EIF4G3: variants seen among roughly 807,000 people sequenced by gnomAD.
The protein encoded by EIF4G3 is eIF-4-gamma 3.
EIF4G3 carries 34 observed loss-of-function variants against 186.4 expected under a neutral mutation model. The observed-to-expected ratio is 0.18, with a 90% CI of 0.14 to 0.24. EIF4G3 has a LOEUF of 0.24. EIF4G3 is among the 10% of genes least tolerant of loss of function. The probability of loss-of-function intolerance (pLI) is 1.00; values close to 1 mark genes in which losing one functional copy is unlikely to be tolerated. For synonymous variants in EIF4G3, 673 were observed against 679.5 expected, an observed-to-expected ratio of 0.99 and a Z score of 0.15; for missense variants, 1,536 against 1,948.5, an observed-to-expected ratio of 0.79 and a Z score of 3.99.
chr1:21,097,031 A>C (rs983450676), intron 2 of EIF4G3, among the ~76,000 whole-genome samples: 1 of 152,238 alleles, frequency 6.6e-6, no homozygotes, highest in Non-Finnish European at 1.5e-5. Context: ...AAAAATGATT[A>C]AAATGGTAAA....
chr1:21,121,670 G>C (rs891938279), intron 2 of EIF4G3, among the ~76,000 whole-genome samples: 3 of 151,848 alleles, frequency 2.0e-5, no homozygotes, highest in Admixed American at 6.6e-5. Flanking sequence ...AGCTACTCGG[G>C]AGGCTAAGGC....
chr1:21,080,629 C>A (rs954218560), intron 3 of EIF4G3, among the ~76,000 whole-genome samples: 1 of 152,086 alleles, frequency 6.6e-6, no homozygotes, highest in Non-Finnish European at 1.5e-5. Flanking sequence ...CCTGCCTCAG[C>A]CTCCTGAGTA....
chr1:20,899,651 C>T (rs1450186192), intron 16 of EIF4G3, 46 bp downstream of exon 16: 1 of 1,601,146 alleles, frequency 6.2e-7, no homozygotes, highest in South Asian at 1.1e-5. Flanking sequence ...TCTAAGGTTG[C>T]AGTAGAGGGA....
In EIF4G3 at chr1:20,856,807, A is replaced by G. The variant is rs372526095; in HGVS notation, c.3339+596T>C. On this transcript the variant is annotated intron_variant, in intron 25 of 36. Transcript: ENST00000602326. Reference sequence around the variant, plus strand: ...AAATATCTTTGTTATTACCTCTTGTATATTAAGCATCTTATGTCTAAGAAG... The same window carrying G: ...AAATATCTTTGTTATTACCTCTTGTGTATTAAGCATCTTATGTCTAAGAAG... Among the ~76,000 whole-genome samples the G allele has an allele frequency of 3.3e-5, 5 of 152,304 alleles. No individual in the cohort carries two copies. In the South Asian group the frequency reaches 1.0e-3, roughly 32 times the overall value.
chr1:20,972,948 A>G (rs2076188129), intron 11 of EIF4G3, 54 bp downstream of exon 11: 1 of 1,417,584 alleles, frequency 7.1e-7, no homozygotes, highest in Non-Finnish European at 9.6e-7. Context: ...AACTTATCTG[A>G]TAAGTGAATA....
intron 2 of EIF4G3, among the ~76,000 whole-genome samples, chr1:21,114,982 G>A (rs36108057): frequency 0.027 from 4,177 of 152,164 alleles, 88 homozygotes; most frequent in Non-Finnish European, 0.038. Context: ...GGGCAACATG[G>A]TAAGACCCCA....
At chr1:20,911,701 T>C (rs1269636935) in intron 14 of EIF4G3, among the ~76,000 whole-genome samples, 4 of 151,954 alleles carry the variant, frequency 2.6e-5, no homozygotes, top group African/African-American at 4.8e-5. Context: ...AACTTAATAT[T>C]GCTTCTCTTT....
At chr1:20,982,434 C>T in intron 7 of EIF4G3, 26 bp from the exon 8 acceptor site, 1 of 1,521,686 alleles carries the variant, frequency 6.6e-7, no homozygotes, top group Non-Finnish European at 8.8e-7. Flanking sequence ...AAGAAAGCAG[C>T]AGGAAACAGA....
At chr1:21,176,605 GCC>G (rs2098116740) in intron 1 of EIF4G3, 115 bp downstream of exon 1, 1 of 191,926 alleles carries the variant, frequency 5.2e-6, no homozygotes, top group African/African-American at 2.4e-5. Context: ...CGCCGCCGCC[GCC>G]GCCGGCAGCA....
chr1:21,033,038 A>G (rs2092874965), intron 4 of EIF4G3, among the ~76,000 whole-genome samples: 1 of 152,206 alleles, frequency 6.6e-6, no homozygotes, highest in Non-Finnish European at 1.5e-5. Context: ...TTTGCTTAAC[A>G]GCTAACACTG....
At chr1:20,845,094 T>A (rs1317943941) in intron 29 of EIF4G3, among the ~76,000 whole-genome samples, 4 of 152,158 alleles carry the variant, frequency 2.6e-5, no homozygotes, top group African/African-American at 4.8e-5. Context: ...TTCATAGTTT[T>A]GAGTTTTACA....
chr1:21,109,549 G>A (rs2096680521), intron 2 of EIF4G3, among the ~76,000 whole-genome samples: 1 of 152,196 alleles, frequency 6.6e-6, no homozygotes, highest in Non-Finnish European at 1.5e-5. Context: ...AAGTAAATAA[G>A]TAAATAAGAC....
chr1:21,176,813 G>A lies in EIF4G3; in HGVS notation c.-547C>T. 6 of 701,838 alleles carry A rather than the reference G, an allele frequency of 8.5e-6. No individual in the cohort carries two copies. The highest frequency in any genetic ancestry group is 7.4e-5 in the South Asian group (5 of 67,590). The allele number at this position is 701,838 out of a possible 1,614,324, so 43.5% of individuals were successfully genotyped here. A position where few individuals can be genotyped will look rare whatever the true frequency, so the allele number is the denominator to read the frequency against. ...CGCCCTTCTCGGTAGCGGGGCTCAG[G>A]CGATGCCGGTGGATTTTCTTCACTC... On this transcript the variant is annotated 5_prime_UTR_variant, in exon 1 of 37. Coordinates refer to ENST00000602326, the MANE Select transcript of EIF4G3 (RefSeq NM_001391906.1).
intron 20 of EIF4G3, among the ~76,000 whole-genome samples, chr1:20,873,603 T>C (rs907038215): frequency 9.6e-6 from 1 of 104,388 alleles, no homozygotes; most frequent in Non-Finnish European, 2.1e-5. Flanking sequence ...TTAAAAACAT[T>C]TAAAATGGGA....
chr1:21,111,546 A>G, intron 2 of EIF4G3: 1 of 318,678 alleles, frequency 3.1e-6, no homozygotes, highest in Non-Finnish European at 6.3e-6. Flanking sequence ...CCTAATTAAG[A>G]GCACCAACGG....
intron 14 of EIF4G3, among the ~76,000 whole-genome samples, chr1:20,908,956 C>G (rs1451552727): frequency 6.6e-6 from 1 of 152,086 alleles, no homozygotes; most frequent in Non-Finnish European, 1.5e-5. Context: ...TCGAGACCAG[C>G]CTGGCCAACA....
rs75612269 is a variant in EIF4G3 at position 21,135,772 on chromosome 1, G to A, written c.-272+40403C>T. Among the ~76,000 whole-genome samples the A allele has an allele frequency of 8.5e-5, 13 of 152,240 alleles. No homozygotes were observed. In the East Asian group the frequency reaches 2.1e-3, roughly 25 times the overall value. ...CTAATATGGGTAATGTAACACACCCGGGTCCCAGACATATAATCAATCATG... is the reference window on the plus strand; with the variant it reads ...CTAATATGGGTAATGTAACACACCCAGGTCCCAGACATATAATCAATCATG... On this transcript the variant is annotated intron_variant, in intron 2 of 36. Coordinates refer to ENST00000602326, the MANE Select transcript of EIF4G3 (RefSeq NM_001391906.1).
chr1:21,171,362 T>C (rs1573771137), intron 2 of EIF4G3, among the ~76,000 whole-genome samples: 1 of 152,210 alleles, frequency 6.6e-6, no homozygotes, highest in East Asian at 1.9e-4. Context: ...GAACTAACTG[T>C]ATCATCACCC....
intron 27 of EIF4G3, 33 bp downstream of exon 27, chr1:20,853,527 G>A (rs763540991): frequency 6.8e-7 from 1 of 1,468,670 alleles, no homozygotes; most frequent in South Asian, 1.1e-5. Flanking sequence ...AAGCGGGCCA[G>A]CCTTGAGTAG....
Sources: allele counts gnomAD v4.1 joint callset (sites outside exome capture counted in the v4.1 genomes callset), GRCh38; gene constraint gnomAD v4.1.1; transcripts MANE v1.5; gene names NCBI Gene and HGNC (gene_info 2026-07-23, HGNC 2026-07-21).